Variants in ITGA3 observed in about 807,000 individuals in gnomAD.
ITGA3 encodes the protein integrin alpha-3.
Under a neutral mutation model 131.1 loss-of-function variants are expected in ITGA3, and 70 were observed. The ratio of observed to expected loss-of-function variants is 0.53; its 90% confidence interval spans 0.44 to 0.65. The LOEUF is 0.65. Ranked by LOEUF, ITGA3 falls within the 30% of genes least tolerant of loss-of-function variation. ITGA3 has a pLI of 0.00. For synonymous variants in ITGA3, 537 were observed against 571.6 expected, an observed-to-expected ratio of 0.94 and a Z score of 0.86; for missense variants, 1,098 against 1,388.6, an observed-to-expected ratio of 0.79 and a Z score of 3.33.
In ITGA3 at chr17:50,064,231, G is replaced by C. The variant is rs752397588; in HGVS notation, c.334+27G>C. The C allele has an allele frequency of 6.3e-7, 1 of 1,592,202 alleles. No individual in the cohort carries two copies. The highest frequency in any genetic ancestry group is 8.5e-7 in the Non-Finnish European group (1 of 1,170,804). ...TGAGGGGAAGGGGCTGGGGAGGGGTGCTGGGTCAGAGGTCTGGCAGGGGGG... is the reference window on the plus strand; with the variant it reads ...TGAGGGGAAGGGGCTGGGGAGGGGTCCTGGGTCAGAGGTCTGGCAGGGGGG... On this transcript the variant is annotated intron_variant, in intron 2 of 25. Coordinates refer to ENST00000320031, the MANE Select transcript of ITGA3 (RefSeq NM_002204.4). The surrounding 1 kb of genome is among the most constrained non-coding windows in gnomAD (Gnocchi z 4.4).
At position 50,079,142 on chromosome 17, in the gene ITGA3, G is replaced by A. The variant is rs964967440; in HGVS notation, c.2467G>A (p.Glu823Lys). 5.6e-6 allele frequency: 9 copies of A among 1,613,850 alleles called. No individual in the cohort carries two copies. Among genetic ancestry groups the A allele is most frequent in the Admixed American group, 1.7e-5 (1 of 59,982 alleles). ...TLVLGLEWPY[E>K]VSNGKWLLYP... Reference sequence around the variant, plus strand: ...GGTCCTAGGTCTGGAGTGGCCCTACGAAGTCAGCAATGGCAAGTGGCTGCT... The same window carrying A: ...GGTCCTAGGTCTGGAGTGGCCCTACAAAGTCAGCAATGGCAAGTGGCTGCT... Residue 823 changes from glutamate (E) to lysine (K), a missense_variant, in exon 20 of 26, where the codon GAA becomes AAA. By Grantham distance (56) the Glu-to-Lys change is moderately conservative (BLOSUM62 1). Coordinates refer to ENST00000320031, the MANE Select transcript of ITGA3 (RefSeq NM_002204.4).
chr17:50,083,395 A>C (rs948930079), intron 23 of ITGA3, among the ~76,000 whole-genome samples: 3 of 152,098 alleles, frequency 2.0e-5, no homozygotes, highest in African/African-American at 7.2e-5. Context: ...ACTCTATGAA[A>C]ATTTAAATCT....
At chr17:50,084,406 T>C (rs1387719282) in intron 23 of ITGA3, among the ~76,000 whole-genome samples, 1 of 152,058 alleles carries the variant, frequency 6.6e-6, no homozygotes, top group Non-Finnish European at 1.5e-5. Context: ...GAATATATTG[T>C]AAGGAGCTAA....
In ITGA3 at chr17:50,078,303, C is replaced by A; in HGVS notation, c.2297+19C>A. The A allele has an allele frequency of 6.3e-7, 1 of 1,599,692 alleles. No individual in the cohort carries two copies. The highest frequency in any genetic ancestry group is 1.1e-5 in the South Asian group (1 of 90,070). The stretch of plus-strand genomic sequence containing the variant: ...TTAGCATGTGGGTACCGCTCTCCAC[C>A]ACCCCCACCCCAGCCTGCTGTGCCT... On this transcript the variant is annotated intron_variant, in intron 18 of 25. Transcript: ENST00000320031.
rs372114389 is a variant in ITGA3 at position 50,076,331 on chromosome 17, C to G, written c.1680C>G (p.Asn560Lys). ...CQKLELLLMD[N>K]LRDKLRPIII... is the part of the protein sequence containing the mutation. ...AGCTCACCCTCTCTCCCCAGGACAA[C>G]CTCCGTGACAAACTCCGCCCCATCA... The change falls in exon 13 of 26, where the codon AAC becomes AAG. Residue 560 changes from asparagine (N) to lysine (K), a missense_variant. Asn to Lys is a moderately conservative substitution (Grantham distance 94). This residue lies in a region of ITGA3 where 699 missense variants were observed against 829.2 expected (regional missense o/e 0.84). Coordinates refer to ENST00000320031, the MANE Select transcript of ITGA3 (RefSeq NM_002204.4). The G allele has an allele frequency of 1.2e-6, 2 of 1,613,438 alleles. No individual in the cohort carries two copies. Among genetic ancestry groups the G allele is most frequent in the Non-Finnish European group, 1.7e-6 (2 of 1,179,850 alleles).
In ITGA3 at chr17:50,089,150, C is replaced by T; in HGVS notation, c.*72C>T. 1 of 1,613,462 alleles carries T rather than the reference C, an allele frequency of 6.2e-7. No individual in the cohort carries two copies. Among genetic ancestry groups the T allele is most frequent in the Non-Finnish European group, 8.5e-7 (1 of 1,179,622 alleles). On this transcript the variant is annotated 3_prime_UTR_variant, in exon 26 of 26. Coordinates refer to ENST00000320031, the MANE Select transcript of ITGA3 (RefSeq NM_002204.4). ...CGGACCCGCTATTATCAGATCATGC[C>T]CAAGTACCACGCAGTGCGGATCCGG...
At chr17:50,063,605 C>T (rs1294562782) in intron 1 of ITGA3, 1 of 165,680 alleles carries the variant, frequency 6.0e-6, no homozygotes, top group African/African-American at 2.4e-5. Context: ...TAAAATCCCT[C>T]TGTGGTTCCC....
chr17:50,069,688 A>G (rs535767755), intron 4 of ITGA3, among the ~76,000 whole-genome samples: 3 of 151,302 alleles, frequency 2.0e-5, no homozygotes, highest in African/African-American at 7.4e-5. Context: ...AAATATCGCT[A>G]CTTTCTCTCT....
chr17:50,069,636 A>T (rs1451372047), intron 4 of ITGA3, among the ~76,000 whole-genome samples: 1 of 152,230 alleles, frequency 6.6e-6, no homozygotes, highest in Non-Finnish European at 1.5e-5. Context: ...ACTGTCCTCC[A>T]GCCTGAGCAG....
Position 50,079,102 on chromosome 17 carries a change from G to T in ITGA3, c.2427G>T (p.Val809=). The stretch of plus-strand genomic sequence containing the variant: ...TGGGCCCAATGGGGGAGGGGCTGGT[G>T]GGCCTGGGGACCCTGGTCCTAGGTC... ...FQVGPMGEGL[V]GLGTLVLGLE... The change falls in exon 20 of 26, where the codon GTG becomes GTT. Residue 809 remains valine (V), a synonymous_variant. Coordinates refer to ENST00000320031, the MANE Select transcript of ITGA3 (RefSeq NM_002204.4). 1 of 1,613,738 alleles carries T rather than the reference G, an allele frequency of 6.2e-7. No homozygotes were observed. The highest frequency in any genetic ancestry group is 1.7e-4 in the Middle Eastern group (1 of 6,058).
intron 3 of ITGA3, among the ~76,000 whole-genome samples, chr17:50,066,387 AT>A (rs1430508354): frequency 6.8e-6 from 1 of 146,214 alleles, no homozygotes; most frequent in Non-Finnish European, 1.5e-5. Flanking sequence ...TGACATGATC[AT>A]AGCTCACTGT....
Position 50,064,343 on chromosome 17 carries a change from C to G in ITGA3, c.334+139C>G. ...CTTGTCCAGCTGGGAAGAGGGTGCC[C>G]TAGAGGAGAGTGGGGCTGGATGGGA... On this transcript the variant is annotated intron_variant, in intron 2 of 25. Coordinates refer to ENST00000320031, the MANE Select transcript of ITGA3 (RefSeq NM_002204.4). This position sits in a 1 kb window ranked among gnomAD's most constrained non-coding sequence, Gnocchi z 4.4. 4 of 1,255,438 alleles carry G rather than the reference C, an allele frequency of 3.2e-6. No homozygotes were observed. Among genetic ancestry groups the G allele is most frequent in the Non-Finnish European group, 4.4e-6 (4 of 904,726 alleles). The allele number at this position is 1,255,438 out of a possible 1,614,324, so 77.8% of individuals were successfully genotyped here.
rs753123658 is a variant in ITGA3, at chr17:50,076,336, G to A, written c.1685G>A (p.Arg562His). Residue 562 changes from arginine (R) to histidine (H), a missense_variant, in exon 13 of 26, where the codon CGT becomes CAT. By Grantham distance (29) the Arg-to-His change is conservative. Around this residue, in one of 3 missense-constraint regions of ITGA3, gnomAD observed 699 missense variants for 829.2 expected, o/e 0.84. Transcript: ENST00000320031. ...KLELLLMDNLRDKLRPIIISM... is the reference protein window; with the variant it reads ...KLELLLMDNLHDKLRPIIISM... Reference sequence around the variant, plus strand: ...ACCCTCTCTCCCCAGGACAACCTCCGTGACAAACTCCGCCCCATCATCATC... The same window carrying A: ...ACCCTCTCTCCCCAGGACAACCTCCATGACAAACTCCGCCCCATCATCATC... 9 of 1,613,422 alleles carry A rather than the reference G, an allele frequency of 5.6e-6. No homozygotes were observed. The highest frequency in any genetic ancestry group is 3.3e-5 in the South Asian group (3 of 91,052).
rs369835082 is a variant in ITGA3, at chr17:50,064,051, G to C, written c.207-26G>C. 1.9e-6 allele frequency: 3 copies of C among 1,610,494 alleles called. No individual in the cohort carries two copies. Among genetic ancestry groups the C allele is most frequent in the Admixed American group, 3.3e-5 (2 of 59,754 alleles). On this transcript the variant is annotated intron_variant, in intron 1 of 25. Coordinates refer to ENST00000320031, the MANE Select transcript of ITGA3 (RefSeq NM_002204.4). The surrounding 1 kb of genome is among the most constrained non-coding windows in gnomAD (Gnocchi z 4.4). Reference sequence around the variant, plus strand: ...AGTGGGGCTTGGGGAGTCTGAACCCGGACCCACCTCCGTCCCTATCCCCAG... The same window carrying C: ...AGTGGGGCTTGGGGAGTCTGAACCCCGACCCACCTCCGTCCCTATCCCCAG...
Position 50,056,712 on chromosome 17 carries a change from G to A in ITGA3, c.206+67G>A. 6.7e-7 allele frequency: 1 copy of A among 1,485,428 alleles called. No individual in the cohort carries two copies. The highest frequency in any genetic ancestry group is 9.1e-7 in the Non-Finnish European group (1 of 1,097,828). The allele number at this position is 1,485,428 out of a possible 1,614,324, so 92.0% of individuals were successfully genotyped here. ...TGCGAGCGCGGGATGCGGGTCCGGA[G>A]CTGAGTCGGAGCCCAGGGCAGCTGG... is the stretch of plus-strand genomic sequence containing the variant. On this transcript the variant is annotated intron_variant, in intron 1 of 25. Transcript: ENST00000320031. The surrounding 1 kb of genome is among the most constrained non-coding windows in gnomAD (Gnocchi z 5.6).
Position 50,080,318 on chromosome 17 carries a change from C to T in ITGA3, c.2763C>T (p.Ala921=). 6.2e-7 allele frequency: 1 copy of T among 1,613,592 alleles called. No homozygotes were observed. Among genetic ancestry groups the T allele is most frequent in the Non-Finnish European group, 8.5e-7 (1 of 1,179,838 alleles). Reference sequence around the variant, plus strand: ...GGCTAGAGTGCCCCATCCCTGATGCCCCCGTTGTCACCAACGTGACTGTGA... The same window carrying T: ...GGCTAGAGTGCCCCATCCCTGATGCTCCCGTTGTCACCAACGTGACTGTGA... ...CVWLECPIPD[A]PVVTNVTVKA... The change falls in exon 22 of 26, where the codon GCC becomes GCT. Residue 921 remains alanine (A), a synonymous_variant. Transcript: ENST00000320031.
chr17:50,071,194 G>C (rs1908611919), intron 5 of ITGA3, 117 bp from the exon 6 acceptor site: 2 of 956,814 alleles, frequency 2.1e-6, no homozygotes, highest in Non-Finnish European at 1.6e-6. Context: ...GCCCTACTTG[G>C]AATAGTGGGA....
chr17:50,079,841 G>A (rs527977650), intron 21 of ITGA3, among the ~76,000 whole-genome samples: 30 of 152,336 alleles, frequency 2.0e-4, no homozygotes, highest in South Asian at 4.1e-4. Context: ...AGCTTTGGCC[G>A]GCAGGAGGCG....
At position 50,089,745 on chromosome 17, in the gene ITGA3, G is replaced by A. The variant is rs1909628896; in HGVS notation, c.*667G>A. The stretch of plus-strand genomic sequence containing the variant: ...GGGAGCAGCCCCCGGGCCGCTGGCT[G>A]GTGGGCCCCCAATGACACCCATGCC... On this transcript the variant is annotated 3_prime_UTR_variant, in exon 26 of 26. Transcript: ENST00000320031. 1.2e-5 allele frequency: 2 copies of A among 172,044 alleles called. No individual in the cohort carries two copies. The highest frequency in any genetic ancestry group is 2.5e-5 in the Non-Finnish European group (2 of 78,774). 10.7% of individuals were successfully genotyped at this position (172,044 alleles called of 1,614,324 possible). A position where few individuals can be genotyped will look rare whatever the true frequency, so the allele number is the denominator to read the frequency against.
Sources: gnomAD v4.1 joint callset for allele counts (sites outside exome capture counted in the v4.1 genomes callset) on GRCh38, gnomAD v4.1.1 for gene constraint, gnomAD v4.1.1 regional missense constraint, Gnocchi (gnomAD v3.1) non-coding constraint, MANE v1.5 for transcripts, NCBI Gene and HGNC (gene_info 2026-07-23, HGNC 2026-07-21) for gene names.